Variants in TMCC3 observed in about 807,000 individuals in gnomAD.
TMCC3 encodes transmembrane and coiled-coil domain protein 3.
In TMCC3, 28 loss-of-function variants were observed where a neutral mutation model predicts 40.2. That is an observed-to-expected ratio of 0.70 (90% CI 0.52 to 0.95). The LOEUF is 0.95. Ranked by LOEUF, TMCC3 falls within the 40% of genes least tolerant of loss-of-function variation. The pLI, the probability that TMCC3 is intolerant of heterozygous loss-of-function variation, is 0.00. For missense variants in TMCC3, 554 were observed against 615.2 expected, an observed-to-expected ratio of 0.90 and a Z score of 1.05; for synonymous variants, 255 against 248.5, an observed-to-expected ratio of 1.03 and a Z score of -0.25.
chr12:94,587,926 T>C (rs975523963), intron 1 of TMCC3, among the ~76,000 whole-genome samples: 2 of 152,238 alleles, frequency 1.3e-5, no homozygotes, highest in African/African-American at 4.8e-5. Flanking sequence ...GTTATTACTT[T>C]AGATGAAAGG....
intron 2 of TMCC3, among the ~76,000 whole-genome samples, chr12:94,580,684 A>G (rs1164500391): frequency 3.9e-5 from 6 of 152,160 alleles, no homozygotes; most frequent in Admixed American, 3.9e-4. Flanking sequence ...GCAGTGAGCC[A>G]AGATCGCACC....
At chr12:94,633,854 T>C (rs183890124) in intron 1 of TMCC3, among the ~76,000 whole-genome samples, 2 of 152,318 alleles carry the variant, frequency 1.3e-5, no homozygotes, top group Middle Eastern at 3.4e-3. Flanking sequence ...TTCTGAAATA[T>C]CCAAAGTATC....
At chr12:94,587,308 G>A (rs375695452) in intron 1 of TMCC3, among the ~76,000 whole-genome samples, 2 of 152,122 alleles carry the variant, frequency 1.3e-5, no homozygotes, top group African/African-American at 4.8e-5. Flanking sequence ...TCACCTCTAC[G>A]GGCTTCCATT....
At chr12:94,571,807 G>T in intron 3 of TMCC3, 70 bp from the exon 4 acceptor site, 1 of 1,525,992 alleles carries the variant, frequency 6.6e-7, no homozygotes, top group Non-Finnish European at 8.9e-7. Flanking sequence ...TGCTCGCTCA[G>T]CTGTACACAA....
chr12:94,574,376 A>G (rs2068551148), intron 3 of TMCC3, among the ~76,000 whole-genome samples: 1 of 146,134 alleles, frequency 6.8e-6, no homozygotes, highest in Non-Finnish European at 1.5e-5. Flanking sequence ...CAACACAGTA[A>G]GACGGTCTCA....
chr12:94,644,804 T>G (rs2138888205), intron 1 of TMCC3, among the ~76,000 whole-genome samples: 1 of 152,322 alleles, frequency 6.6e-6, no homozygotes, highest in South Asian at 2.1e-4. Flanking sequence ...GATCATCAAC[T>G]TACTACATCA....
intron 1 of TMCC3, among the ~76,000 whole-genome samples, chr12:94,638,463 T>C (rs2068972358): frequency 6.6e-6 from 1 of 152,200 alleles, no homozygotes; most frequent in Non-Finnish European, 1.5e-5. Flanking sequence ...CCCTCGACCA[T>C]ATCCTTTCAC....
intron 1 of TMCC3, among the ~76,000 whole-genome samples, chr12:94,617,919 A>AGC (rs2138865725): frequency 6.6e-6 from 1 of 152,350 alleles, no homozygotes; most frequent in African/African-American, 2.4e-5. Context: ...AATATTGCAT[A>AGC]GCCTCTATCC....
At position 94,582,028 on chromosome 12, in the gene TMCC3, C is replaced by G; in HGVS notation, c.589G>C (p.Val197Leu). 2 of 1,614,170 alleles carry G rather than the reference C, an allele frequency of 1.2e-6. No homozygotes were observed. The highest frequency in any genetic ancestry group is 1.3e-5 in the African/African-American group (1 of 75,046). ...TCTCTGGACTTATTGAAAACGAACACAGGTGGAGTAAGTGAGACCCCTGGC... is the reference window on the plus strand; with the variant it reads ...TCTCTGGACTTATTGAAAACGAACAGAGGTGGAGTAAGTGAGACCCCTGGC... ...GMPGVSLTPP[V>L]FVFNKSREFA... is the part of the protein sequence containing the mutation. Residue 197 changes from valine to leucine, a missense_variant, in exon 2 of 4, where the codon GTG (valine) becomes CTG (leucine). Val to Leu is a conservative substitution (Grantham distance 32). Transcript: ENST00000261226.
At chr12:94,610,455 A>G (rs1311512366) in intron 1 of TMCC3, among the ~76,000 whole-genome samples, 1 of 151,896 alleles carries the variant, frequency 6.6e-6, no homozygotes, top group Admixed American at 6.6e-5. Context: ...TTTTTTTTCA[A>G]GAGATATAAA....
At chr12:94,579,238 G>C (rs2068585926) in intron 2 of TMCC3, among the ~76,000 whole-genome samples, 1 of 152,226 alleles carries the variant, frequency 6.6e-6, no homozygotes, top group Non-Finnish European at 1.5e-5. Flanking sequence ...TGGGTGCAGT[G>C]GCTCACGCCT....
At chr12:94,593,488 T>C (rs1433636307) in intron 1 of TMCC3, among the ~76,000 whole-genome samples, 1 of 149,346 alleles carries the variant, frequency 6.7e-6, no homozygotes, top group Non-Finnish European at 1.5e-5. Context: ...TTCTATTTCC[T>C]GAGAGCTGGT....
At chr12:94,609,219 C>T (rs1170384895) in intron 1 of TMCC3, among the ~76,000 whole-genome samples, 2 of 152,074 alleles carry the variant, frequency 1.3e-5, no homozygotes, top group African/African-American at 2.4e-5. Flanking sequence ...CAGAGTGAGA[C>T]TGTTGTCTCC....
In TMCC3 at chr12:94,623,207, C is replaced by A. The variant is rs541171696; in HGVS notation, c.78+27146G>T. On this transcript the variant is annotated intron_variant, in intron 1 of 3. Coordinates refer to ENST00000261226, the MANE Select transcript of TMCC3 (RefSeq NM_020698.4). ...AATACAATCAATCCTGTGTTCTGGA[C>A]CTGGACTAAATCTGCAGGAAAAAAA... is the stretch of plus-strand genomic sequence containing the variant. 1.3e-4 allele frequency among the ~76,000 whole-genome samples: 19 copies of A among 151,342 alleles called. No individual in the cohort carries two copies. In the South Asian group the frequency reaches 3.5e-3, roughly 28 times the overall value.
Position 94,568,908 on chromosome 12 carries a change from GT to G in TMCC3, c.*2526del, listed in dbSNP as rs1350593583. The G allele has an allele frequency of 6.6e-6, 1 of 152,236 alleles. No homozygotes were observed. The highest frequency in any genetic ancestry group is 1.5e-5 in the Non-Finnish European group (1 of 68,042). 9.4% of individuals were successfully genotyped at this position (152,236 alleles called of 1,614,324 possible). A position where few individuals can be genotyped will look rare whatever the true frequency, so the allele number is the denominator to read the frequency against. On this transcript the variant is annotated 3_prime_UTR_variant, in exon 4 of 4. Coordinates refer to ENST00000261226, the MANE Select transcript of TMCC3 (RefSeq NM_020698.4). The stretch of plus-strand genomic sequence containing the variant: ...CCTACGGTATGTTAGAATAAAGCTA[GT>G]TTCTAGCAGATTCTGTTAACAGCTC...
rs143218548 is a variant in TMCC3, at chr12:94,585,337, G to A, written c.79-2799C>T. ...GAATTTTCTATGGATTTTCTCATATGCATGATATTCACAATGCCTGCCACC... is the reference window on the plus strand; with the variant it reads ...GAATTTTCTATGGATTTTCTCATATACATGATATTCACAATGCCTGCCACC... On this transcript the variant is annotated intron_variant, in intron 1 of 3. Transcript: ENST00000261226. 7.6e-4 allele frequency among the ~76,000 whole-genome samples: 116 copies of A among 152,166 alleles called. No homozygotes were observed. The East Asian group carries it at 9.3e-3, about 12-fold the overall frequency.
intron 1 of TMCC3, among the ~76,000 whole-genome samples, chr12:94,620,032 G>A (rs777382381): frequency 1.1e-4 from 17 of 151,912 alleles, no homozygotes; most frequent in Non-Finnish European, 2.2e-4. Context: ...GCGTGGTGGC[G>A]GGTGCATGTA....
chr12:94,591,441 C>T (rs1035055807), intron 1 of TMCC3, among the ~76,000 whole-genome samples: 15 of 91,226 alleles, frequency 1.6e-4, no homozygotes, highest in Admixed American at 3.6e-4. Context: ...GGTGTTTCCT[C>T]GTAGGAAAAA....
chr12:94,627,408 CCTACAGGT>C (rs2068909634), intron 1 of TMCC3, among the ~76,000 whole-genome samples: 1 of 152,210 alleles, frequency 6.6e-6, no homozygotes, highest in Non-Finnish European at 1.5e-5. Flanking sequence ...TCTCATCACT[CCTACAGGT>C]CTACCTGGGC....
Sources: allele counts gnomAD v4.1 joint callset (sites outside exome capture counted in the v4.1 genomes callset), GRCh38; gene constraint gnomAD v4.1.1; transcripts MANE v1.5; gene names NCBI Gene and HGNC (gene_info 2026-07-23, HGNC 2026-07-21).